GRB10: variants seen among roughly 807,000 people sequenced by gnomAD.
GRB10 encodes the protein growth factor receptor-bound protein 10.
GRB10 carries 20 observed loss-of-function variants against 80.9 expected under a neutral mutation model. That is an observed-to-expected ratio of 0.25 (90% confidence interval 0.17 to 0.36). The LOEUF (loss-of-function observed/expected upper bound fraction) is 0.36. Among genes scored for constraint, GRB10 ranks in the 10% least tolerant of loss-of-function variants. GRB10 has a pLI of 1.00. For synonymous variants in GRB10, 291 were observed against 291.5 expected, an observed-to-expected ratio of 1.00 and a Z score of 0.02; for missense variants, 548 against 747.7, an observed-to-expected ratio of 0.73 and a Z score of 3.12.
At chr7:50,770,622 G>A (rs1408205042) in intron 2 of GRB10, among the ~76,000 whole-genome samples, 4 of 152,150 alleles carry the variant, frequency 2.6e-5, no homozygotes, top group African/African-American at 7.2e-5. Flanking sequence ...ATTCCGTCGC[G>A]AATGCACAGC....
intron 15 of GRB10, 59 bp downstream of exon 15, chr7:50,605,231 C>A: frequency 7.6e-7 from 1 of 1,312,036 alleles, no homozygotes; most frequent in Non-Finnish European, 1.1e-6. Context: ...GAGAAGACCA[C>A]GTGGTGGGGC....
At chr7:50,637,987 T>C (rs1253895171) in intron 7 of GRB10, among the ~76,000 whole-genome samples, 2 of 152,066 alleles carry the variant, frequency 1.3e-5, no homozygotes, top group Admixed American at 6.6e-5. Flanking sequence ...GCTGGGAAAA[T>C]TGGCTATCTC....
At chr7:50,655,886 T>C (rs888984857) in intron 7 of GRB10, among the ~76,000 whole-genome samples, 1 of 152,198 alleles carries the variant, frequency 6.6e-6, no homozygotes, top group Admixed American at 6.5e-5. Flanking sequence ...TAAGGATTCC[T>C]CATCTTCGGC....
chr7:50,724,970 C>T (rs1204695829), intron 4 of GRB10, among the ~76,000 whole-genome samples: 1 of 152,156 alleles, frequency 6.6e-6, no homozygotes, highest in East Asian at 1.9e-4. Flanking sequence ...TGATGCCTTT[C>T]CAAGTCTGCG....
intron 7 of GRB10, among the ~76,000 whole-genome samples, chr7:50,628,432 C>T (rs1263197941): frequency 6.6e-6 from 1 of 152,118 alleles, no homozygotes; most frequent in East Asian, 1.9e-4. Context: ...GGCTGGGAGG[C>T]CCCCACCTTA....
At chr7:50,617,279 A>G (rs2050819108) in intron 10 of GRB10, among the ~76,000 whole-genome samples, 1 of 152,220 alleles carries the variant, frequency 6.6e-6, no homozygotes, top group African/African-American at 2.4e-5. Context: ...ATTTGGTGAT[A>G]ACAACGTAGA....
intron 7 of GRB10, 91 bp downstream of exon 7, chr7:50,669,631 T>C: frequency 7.7e-7 from 1 of 1,303,534 alleles, no homozygotes; most frequent in African/African-American, 1.4e-5. Context: ...CTTCCCGCCC[T>C]TCTTCCCAAA....
intron 7 of GRB10, among the ~76,000 whole-genome samples, chr7:50,641,271 A>AG (rs2056187700): frequency 8.0e-6 from 1 of 124,816 alleles, no homozygotes; most frequent in East Asian, 2.0e-4. Flanking sequence ...TATACTCATC[A>AG]AAAAAGGTGG....
In GRB10 at chr7:50,591,938, G is replaced by C. The variant is rs996770196; in HGVS notation, c.*1014C>G. Reference sequence around the variant, plus strand: ...TTCTCTTTAGATCCTTTAATCCCCCGAGGGACATCAGCCGTGAAACGACTC... The same window carrying C: ...TTCTCTTTAGATCCTTTAATCCCCCCAGGGACATCAGCCGTGAAACGACTC... On this transcript the variant is annotated 3_prime_UTR_variant, in exon 19 of 19. Transcript: ENST00000401949. 4 of 152,206 alleles carry C rather than the reference G, an allele frequency of 2.6e-5. No individual in the cohort carries two copies. The highest frequency in any genetic ancestry group is 5.9e-5 in the Non-Finnish European group (4 of 68,066). The allele number at this position is 152,206 out of a possible 1,614,324, so 9.4% of individuals were successfully genotyped here.
intron 5 of GRB10, among the ~76,000 whole-genome samples, chr7:50,677,636 A>G (rs761926415): frequency 8.5e-5 from 13 of 152,228 alleles, no homozygotes; most frequent in Non-Finnish European, 1.6e-4. Context: ...CTACACTCCT[A>G]TTTAGCTGAC....
chr7:50,651,546 T>C (rs2058011219), intron 7 of GRB10, among the ~76,000 whole-genome samples: 1 of 152,226 alleles, frequency 6.6e-6, no homozygotes, highest in South Asian at 2.1e-4. Context: ...TGCAACATTA[T>C]TTCCACATAA....
chr7:50,612,137 T>A (rs1379356924), intron 13 of GRB10, among the ~76,000 whole-genome samples: 1 of 152,236 alleles, frequency 6.6e-6, no homozygotes, highest in Non-Finnish European at 1.5e-5. Flanking sequence ...CAGGAGGTAC[T>A]GTCTCTGCTG....
intron 7 of GRB10, among the ~76,000 whole-genome samples, chr7:50,651,668 T>G (rs1010401845): frequency 6.6e-6 from 1 of 152,214 alleles, no homozygotes; most frequent in Non-Finnish European, 1.5e-5. Context: ...CTCATCCAAA[T>G]AGTTTATAGT....
At chr7:50,693,842 T>C (rs2063116901) in intron 5 of GRB10, among the ~76,000 whole-genome samples, 1 of 151,958 alleles carries the variant, frequency 6.6e-6, no homozygotes, top group South Asian at 2.1e-4. Context: ...GGCAGGACCA[T>C]AGCCTGCCCT....
chr7:50,696,143 G>T (rs2063387592), intron 5 of GRB10, among the ~76,000 whole-genome samples: 1 of 152,088 alleles, frequency 6.6e-6, no homozygotes, highest in Non-Finnish European at 1.5e-5. Context: ...ATATGCTATT[G>T]ATTGAATTGA....
intron 7 of GRB10, among the ~76,000 whole-genome samples, chr7:50,654,974 A>C (rs911210771): frequency 6.6e-6 from 1 of 152,168 alleles, no homozygotes; most frequent in Non-Finnish European, 1.5e-5. Flanking sequence ...GGGAAAAAAA[A>C]CAAAAACAAT....
intron 5 of GRB10, among the ~76,000 whole-genome samples, chr7:50,684,412 T>A (rs1448193544): frequency 6.6e-6 from 1 of 151,994 alleles, no homozygotes; most frequent in Admixed American, 6.6e-5. Flanking sequence ...ATCTTAGCGA[T>A]TTCATCAAAG....
chr7:50,698,935 T>C (rs952125103), intron 5 of GRB10, among the ~76,000 whole-genome samples: 8 of 152,270 alleles, frequency 5.3e-5, no homozygotes, highest in Non-Finnish European at 1.2e-4. Context: ...ATGATCATAA[T>C]ATAGCTCTCC....
chr7:50,769,358 G>C (rs1343201838), intron 2 of GRB10, among the ~76,000 whole-genome samples: 1 of 152,204 alleles, frequency 6.6e-6, no homozygotes, highest in Non-Finnish European at 1.5e-5. Context: ...CCACACAGGA[G>C]GTCGGGCTTC....
Sources: gnomAD v4.1 joint callset for allele counts (sites outside exome capture counted in the v4.1 genomes callset) on GRCh38, gnomAD v4.1.1 for gene constraint, MANE v1.5 for transcripts, NCBI Gene and HGNC (gene_info 2026-07-23, HGNC 2026-07-21) for gene names.